The following TRIM55 variants were observed in gnomAD, a reference collection of about 807,000 sequenced individuals.
The protein encoded by TRIM55 is tripartite motif-containing protein 55.
TRIM55 carries 50 observed loss-of-function variants against 60.9 expected under a neutral mutation model. The ratio of observed to expected loss-of-function variants is 0.82; its 90% CI spans 0.65 to 1.04. The LOEUF (loss-of-function observed/expected upper bound fraction) is 1.04. TRIM55 is among the 50% of genes least tolerant of loss of function. TRIM55 has a pLI of 0.00. For synonymous variants in TRIM55, 237 were observed against 238.1 expected (o/e 1.00, Z 0.04); for missense variants, 681 against 666.9 (o/e 1.02, Z -0.23).
At chr8:66,141,040 C>T (rs572670253) in intron 4 of TRIM55, among the ~76,000 whole-genome samples, 3 of 152,180 alleles carry the variant, frequency 2.0e-5, no homozygotes, top group Non-Finnish European at 2.9e-5. Flanking sequence ...GCTTTCCTTG[C>T]ACATGTCTAA....
chr8:66,150,702 T>TAGA (rs1206415659), intron 7 of TRIM55, among the ~76,000 whole-genome samples: 1 of 152,098 alleles, frequency 6.6e-6, no homozygotes, highest in East Asian at 1.9e-4. Flanking sequence ...ACTCTCACTC[T>TAGA]GTTGCCCAGC....
chr8:66,174,335 G>A lies in TRIM55; in HGVS notation c.1525-136G>A. The A allele has an allele frequency of 6.6e-6, 4 of 602,710 alleles. No homozygotes were observed. The South Asian group carries it at 1.3e-4, about 19-fold the overall frequency. The allele number at this position is 602,710 out of a possible 1,614,324, so 37.3% of individuals were successfully genotyped here. A position where few individuals can be genotyped will look rare whatever the true frequency, so the allele number is the denominator to read the frequency against. ...CTTGCTTTCTATTTCTAATAATTATGTGCCATATAATAATATTGTTATTAT... is the reference window on the plus strand; with the variant it reads ...CTTGCTTTCTATTTCTAATAATTATATGCCATATAATAATATTGTTATTAT... On this transcript the variant is annotated intron_variant, in intron 9 of 9. Coordinates refer to ENST00000315962, the MANE Select transcript of TRIM55 (RefSeq NM_184085.2).
intron 9 of TRIM55, 81 bp from the exon 10 acceptor site, chr8:66,174,390 C>A: frequency 8.2e-7 from 1 of 1,221,788 alleles, no homozygotes; most frequent in Non-Finnish European, 1.1e-6. Context: ...ATTATACTTT[C>A]TCCTCAATAG....
chr8:66,127,073 C>A, upstream of TRIM55: 1 of 529,262 alleles, frequency 1.9e-6, no homozygotes, highest in Non-Finnish European at 3.3e-6. Context: ...GACACGTCAG[C>A]CCACCGTCAC....
chr8:66,157,538 G>A (rs7842707), intron 9 of TRIM55, among the ~76,000 whole-genome samples: 35,094 of 152,092 alleles, frequency 0.23, 8,129 homozygotes, highest in African/African-American at 0.6. Context: ...CTTACCTTGA[G>A]TATTTAGGAT....
intron 2 of TRIM55, among the ~76,000 whole-genome samples, chr8:66,129,462 A>C (rs1414228427): frequency 6.6e-6 from 1 of 152,214 alleles, no homozygotes; most frequent in East Asian, 1.9e-4. Flanking sequence ...CTGTTCTATA[A>C]ATCTAACATA....
intron 9 of TRIM55, among the ~76,000 whole-genome samples, chr8:66,174,227 C>T (rs1331709600): frequency 6.6e-6 from 1 of 151,320 alleles, no homozygotes; most frequent in African/African-American, 2.4e-5. Context: ...CTTCTCTCCA[C>T]TGCATGCATT....
At chr8:66,125,787 C>T (rs912113837), upstream of TRIM55, among the ~76,000 whole-genome samples, 2 of 152,102 alleles carry the variant, frequency 1.3e-5, no homozygotes, top group African/African-American at 4.8e-5. Flanking sequence ...ATAAGCTCTC[C>T]GTGCACACAG....
chr8:66,137,164 C>G lies in TRIM55; in HGVS notation c.577C>G (p.Leu193Val). The G allele has an allele frequency of 1.9e-6, 3 of 1,614,164 alleles. No homozygotes were observed. The highest frequency in any genetic ancestry group is 2.5e-6 in the Non-Finnish European group (3 of 1,180,028). Residue 193 changes from leucine (L) to valine (V), a missense_variant, in exon 4 of 10, where the codon CTG becomes GTG. Leu to Val is a conservative substitution (Grantham distance 32). Coordinates refer to ENST00000315962, the MANE Select transcript of TRIM55 (RefSeq NM_184085.2). ...TCGAGTCCAGGGAGTGATCAGCCAG[C>G]TGGAAGACACCTGCAAAACTATCGA... ...NDRVQGVISQ[L>V]EDTCKTIEEC...
At chr8:66,143,924 A>C (rs935532721) in intron 4 of TRIM55, among the ~76,000 whole-genome samples, 1 of 152,216 alleles carries the variant, frequency 6.6e-6, no homozygotes, top group Admixed American at 6.5e-5. Context: ...AAAGTGAACC[A>C]ATAAAAATCT....
At chr8:66,134,609 G>A (rs767949788) in intron 2 of TRIM55, among the ~76,000 whole-genome samples, 3 of 152,142 alleles carry the variant, frequency 2.0e-5, no homozygotes, top group Non-Finnish European at 2.9e-5. Context: ...GCTGGACCAC[G>A]TTCCTGATGG....
At chr8:66,140,937 G>A (rs910880299) in intron 4 of TRIM55, among the ~76,000 whole-genome samples, 2 of 152,200 alleles carry the variant, frequency 1.3e-5, no homozygotes, top group Non-Finnish European at 2.9e-5. Context: ...GGGAAATGAA[G>A]TAGTCCCTGG....
At chr8:66,149,540 A>G (rs977281717) in intron 4 of TRIM55, 105 bp from the exon 5 acceptor site, 32 of 906,242 alleles carry the variant, frequency 3.5e-5, no homozygotes, top group Admixed American at 1.1e-4. Context: ...AAAGAAAAAA[A>G]TATCCTACAT....
At chr8:66,166,974 C>T (rs759538963) in intron 9 of TRIM55, among the ~76,000 whole-genome samples, 5 of 152,152 alleles carry the variant, frequency 3.3e-5, no homozygotes, top group Non-Finnish European at 7.3e-5. Flanking sequence ...GTTTCTAGGC[C>T]TCCACTCCTG....
chr8:66,137,329 T>A, intron 4 of TRIM55, 139 bp downstream of exon 4: 1 of 610,456 alleles, frequency 1.6e-6, no homozygotes, highest in Non-Finnish European at 2.9e-6. Flanking sequence ...CTGATATGTC[T>A]CTGAAATATT....
upstream of TRIM55, among the ~76,000 whole-genome samples, chr8:66,126,094 G>C (rs1411533761): frequency 6.6e-6 from 1 of 152,146 alleles, no homozygotes; most frequent in East Asian, 1.9e-4. Flanking sequence ...AGAAACTATG[G>C]TTTAACAAGT....
chr8:66,135,366 C>T (rs1809424688), intron 3 of TRIM55, among the ~76,000 whole-genome samples: 1 of 152,150 alleles, frequency 6.6e-6, no homozygotes, highest in South Asian at 2.1e-4. Context: ...GGTGGGGGAC[C>T]AGGCGAGACA....
intron 1 of TRIM55, 105 bp from the exon 2 acceptor site, chr8:66,128,199 A>G: frequency 8.9e-7 from 1 of 1,125,998 alleles, no homozygotes. Context: ...TGGCAAGCTT[A>G]AAGTAGAAGT....
At chr8:66,114,815 G>T in the TRIM55 span, 1 of 337,588 alleles carries the variant, frequency 3.0e-6, no homozygotes, top group Non-Finnish European at 5.9e-6. Flanking sequence ...AGGGGCTGCC[G>T]TTGGAGGAGG....
Sources: gnomAD v4.1 joint callset for allele counts (sites outside exome capture counted in the v4.1 genomes callset) on GRCh38, gnomAD v4.1.1 for gene constraint, MANE v1.5 for transcripts, NCBI Gene and HGNC (gene_info 2026-07-23, HGNC 2026-07-21) for gene names.